The following EIF2B3 variants were observed in gnomAD, a reference collection of about 807,000 sequenced individuals.
EIF2B3 encodes translation initiation factor eIF2B subunit gamma.
A neutral mutation model predicts 54.1 loss-of-function variants in EIF2B3; 20 were observed. The observed-to-expected ratio is 0.37, with a 90% CI of 0.26 to 0.54. EIF2B3 has a LOEUF of 0.54. Ranked by LOEUF, EIF2B3 falls within the 20% of genes least tolerant of loss-of-function variation. The probability of loss-of-function intolerance (pLI) is 0.86; values close to 1 mark genes in which losing one functional copy is unlikely to be tolerated. For missense variants in EIF2B3, 448 were observed against 547.8 expected (o/e 0.82, Z 1.82); for synonymous variants, 153 against 188.1 (o/e 0.81, Z 1.52).
At chr1:44,902,154 G>C (rs927428792) in intron 5 of EIF2B3, among the ~76,000 whole-genome samples, 1 of 152,180 alleles carries the variant, frequency 6.6e-6, no homozygotes, top group African/African-American at 2.4e-5. Flanking sequence ...CTGTTCCACA[G>C]ATCTGTCTGT....
intron 5 of EIF2B3, among the ~76,000 whole-genome samples, chr1:44,914,911 G>A (rs1569708713): frequency 1.3e-5 from 2 of 152,132 alleles, no homozygotes; most frequent in East Asian, 2.0e-4. Context: ...GGATGGTCTC[G>A]AACTCCTGAC....
intron 10 of EIF2B3, among the ~76,000 whole-genome samples, chr1:44,873,537 T>C (rs1197058890): frequency 6.6e-6 from 1 of 152,216 alleles, no homozygotes; most frequent in Non-Finnish European, 1.5e-5. Flanking sequence ...ATGTAAATTC[T>C]ATTTTGTAGC....
intron 3 of EIF2B3, among the ~76,000 whole-genome samples, chr1:44,952,971 A>G (rs1644183893): frequency 6.6e-6 from 1 of 152,236 alleles, no homozygotes; most frequent in African/African-American, 2.4e-5. Context: ...CATCCTAAGC[A>G]TACATCATAC....
chr1:44,885,691 A>T (rs1655554450), intron 6 of EIF2B3, among the ~76,000 whole-genome samples: 1 of 152,214 alleles, frequency 6.6e-6, no homozygotes, highest in Admixed American at 6.5e-5. Flanking sequence ...ATATTCAACA[A>T]TGATAGATCA....
chr1:44,890,347 TTCTG>T (rs767985424), intron 6 of EIF2B3, among the ~76,000 whole-genome samples: 9 of 152,320 alleles, frequency 5.9e-5, no homozygotes, highest in Non-Finnish European at 1.0e-4. Context: ...CTGGATCTTC[TTCTG>T]TCTGTCTGTG....
chr1:44,920,287 A>G (rs989888318), intron 5 of EIF2B3, among the ~76,000 whole-genome samples: 9 of 152,202 alleles, frequency 5.9e-5, no homozygotes, highest in Non-Finnish European at 8.8e-5. Flanking sequence ...GATGGGTTAC[A>G]TGAGATATTT....
chr1:44,930,726 C>T lies in EIF2B3; in HGVS notation c.455-3987G>A, dbSNP rs1025256525. Among the ~76,000 whole-genome samples, 27 of 152,272 alleles carry T rather than the reference C, an allele frequency of 1.8e-4. No individual in the cohort carries two copies. The South Asian group carries it at 1.9e-3, about 11-fold the overall frequency. On this transcript the variant is annotated intron_variant, in intron 4 of 11. Transcript: ENST00000360403. ...TGCAACCTTGGCTCACTGCAACCTC[C>T]GCCTCTCGGGTTCAAGCAATTCTCC...
At chr1:44,956,662 C>T (rs1644229408) in intron 3 of EIF2B3, among the ~76,000 whole-genome samples, 1 of 151,916 alleles carries the variant, frequency 6.6e-6, no homozygotes, top group Admixed American at 6.6e-5. Flanking sequence ...TATAAATTGA[C>T]TCAGCTTGGG....
chr1:44,969,503 T>C (rs1308138541), intron 3 of EIF2B3, among the ~76,000 whole-genome samples: 1 of 152,202 alleles, frequency 6.6e-6, no homozygotes, highest in East Asian at 1.9e-4. Flanking sequence ...TTATTATTGA[T>C]TTGGTTTTTT....
rs141222966 is a variant in EIF2B3, at chr1:44,936,198, C to A, written c.454+5308G>T. ...GTCTTGCTTACACTTCTAAGTTGTC[C>A]ATTTCTTTCCTGAGAAAAAAATTTT... On this transcript the variant is annotated intron_variant, in intron 4 of 11. Transcript: ENST00000360403. 5.5e-3 allele frequency among the ~76,000 whole-genome samples: 832 copies of A among 152,172 alleles called. 8 individuals carry two copies. Among genetic ancestry groups the A allele is most frequent in the Non-Finnish European group, 9.8e-3 (663 of 67,992 alleles).
At position 44,881,717 on chromosome 1, in the gene EIF2B3, C is replaced by T. The variant is rs1157148757; in HGVS notation, c.679G>A (p.Glu227Lys). 3 of 1,614,164 alleles carry T rather than the reference C, an allele frequency of 1.9e-6. No individual in the cohort carries two copies. The highest frequency in any genetic ancestry group is 2.5e-6 in the Non-Finnish European group (3 of 1,180,006). Reference protein sequence around the residue: ...ENGSITSIRSELIPYLVRKQF... With the variant: ...ENGSITSIRSKLIPYLVRKQF... ...TTTCTCACTAAATATGGAATCAGTT[C>T]ACTCCGGATAGAAGTTATTGACCTA... The change falls in exon 7 of 12, where the codon GAA becomes AAA. Residue 227 changes from glutamate to lysine, a missense_variant. Transcript: ENST00000360403. The surrounding 1 kb of genome is among the most constrained non-coding windows in gnomAD (Gnocchi z 4.0).
chr1:44,873,820 T>G (rs1422401365), intron 10 of EIF2B3, among the ~76,000 whole-genome samples: 2 of 151,416 alleles, frequency 1.3e-5, no homozygotes, highest in African/African-American at 2.4e-5. Context: ...TTTTTTTTTT[T>G]TGTATTTTTA....
At chr1:44,863,323 A>T (rs1654671826) in intron 10 of EIF2B3, among the ~76,000 whole-genome samples, 1 of 152,198 alleles carries the variant, frequency 6.6e-6, no homozygotes, top group Non-Finnish European at 1.5e-5. Context: ...AGCCCTTCTA[A>T]GCTGGTCCAA....
At chr1:44,894,390 T>G (rs2148913027) in intron 6 of EIF2B3, among the ~76,000 whole-genome samples, 1 of 152,258 alleles carries the variant, frequency 6.6e-6, no homozygotes, top group South Asian at 2.1e-4. Context: ...TGGTCAACTG[T>G]AGAAACCCAC....
chr1:44,917,718 A>T (rs1643651571), intron 5 of EIF2B3, among the ~76,000 whole-genome samples: 1 of 139,858 alleles, frequency 7.2e-6, no homozygotes. Context: ...CTCTTTTAGC[A>T]GATCCACTTA....
At chr1:44,967,386 G>T (rs1644353572) in intron 3 of EIF2B3, among the ~76,000 whole-genome samples, 1 of 150,854 alleles carries the variant, frequency 6.6e-6, no homozygotes, top group African/African-American at 2.4e-5. Flanking sequence ...GGCAGAGGTT[G>T]CGAAAAGCCG....
At position 44,897,399 on chromosome 1, in the gene EIF2B3, G is replaced by C; in HGVS notation, c.612C>G (p.Leu204=). 1 of 1,613,692 alleles carries C rather than the reference G, an allele frequency of 6.2e-7. No individual in the cohort carries two copies. Among genetic ancestry groups the C allele is most frequent in the Non-Finnish European group, 8.5e-7 (1 of 1,179,886 alleles). ...CCACGATGTATTTTTTCAAACAGTA[G>C]AGGTGGGCATCCACAAGACCCGTGT... ...RFHTGLVDAH[L]YCLKKYIVDF... is the part of the protein sequence containing the mutation. Residue 204 remains leucine, a synonymous_variant, in exon 6 of 12, where the codon CTC becomes CTG. Coordinates refer to ENST00000360403, the MANE Select transcript of EIF2B3 (RefSeq NM_020365.5).
At position 44,956,207 on chromosome 1, in the gene EIF2B3, C is replaced by A. The variant is rs182085154; in HGVS notation, c.295-14542G>T. On this transcript the variant is annotated intron_variant, in intron 3 of 11. Transcript: ENST00000360403. ...CCATAAAAAAGGATGAGTTCATGTCCTTTGCAGAGACATGGATGAAGCTGG... is the reference window on the plus strand; with the variant it reads ...CCATAAAAAAGGATGAGTTCATGTCATTTGCAGAGACATGGATGAAGCTGG... Among the ~76,000 whole-genome samples, 13 of 152,282 alleles carry A rather than the reference C, an allele frequency of 8.5e-5. No individual in the cohort carries two copies. In the East Asian group the frequency reaches 2.5e-3, roughly 29 times the overall value.
At chr1:44,923,613 C>T (rs1243206222) in intron 5 of EIF2B3, among the ~76,000 whole-genome samples, 1 of 150,788 alleles carries the variant, frequency 6.6e-6, no homozygotes, top group Non-Finnish European at 1.5e-5. Flanking sequence ...CTTTTATCCT[C>T]AGAAAATTTT....
Sources: allele counts gnomAD v4.1 joint callset (sites outside exome capture counted in the v4.1 genomes callset), GRCh38; gene constraint gnomAD v4.1.1; non-coding constraint Gnocchi (gnomAD v3.1); transcripts MANE v1.5; gene names NCBI Gene and HGNC (gene_info 2026-07-23, HGNC 2026-07-21).